Variants in ADAMTS9 observed in about 807,000 individuals in gnomAD.
ADAMTS9 encodes ADAM metallopeptidase with thrombospondin type 1 motif 9, also known as A disintegrin and metalloproteinase with thrombospondin motifs 9.
In ADAMTS9, 107 loss-of-function variants were observed where a neutral mutation model predicts 257.1. That is an observed-to-expected ratio of 0.42 (90% confidence interval 0.36 to 0.49). The LOEUF (loss-of-function observed/expected upper bound fraction) is 0.49, where lower values mean the gene tolerates loss of function less well. Among genes scored for constraint, ADAMTS9 ranks in the 20% least tolerant of loss-of-function variants. ADAMTS9 has a pLI of 0.03. For synonymous variants in ADAMTS9, 982 were observed against 880.9 expected (o/e 1.11, Z -2.03); for missense variants, 2,353 against 2,469.1 (o/e 0.95, Z 1.00).
At chr3:64,527,978 C>T (rs540301590) in intron 38 of ADAMTS9, among the ~76,000 whole-genome samples, 2 of 152,288 alleles carry the variant, frequency 1.3e-5, no homozygotes, top group East Asian at 3.9e-4. Context: ...GGAACTGAAT[C>T]CATCTCTTCT....
chr3:64,561,884 A>G (rs1053202803), intron 29 of ADAMTS9, 133 bp from the exon 30 acceptor site: 28 of 760,862 alleles, frequency 3.7e-5, no homozygotes, highest in Non-Finnish European at 5.6e-5. Flanking sequence ...ATCGCTTTCT[A>G]ATTTGCAATG....
At position 64,561,570 on chromosome 3, in the gene ADAMTS9, CTACT is replaced by C. The variant is rs780489993; in HGVS notation, c.4698+4_4698+7del. The C allele has an allele frequency of 6.2e-7, 1 of 1,610,790 alleles. No homozygotes were observed. The highest frequency in any genetic ancestry group is 2.2e-5 in the East Asian group (1 of 44,850). ...GCCTGGCAGGTACCCCTTTGTGGCT[CTACT>C]TACTTCTTGCCATTCCTCTGCCCTC... On this transcript the variant is annotated splice_donor_5th_base_variant and intron_variant, in intron 30 of 39. Transcript: ENST00000498707.
At chr3:64,644,735 A>C (rs548367005) in intron 11 of ADAMTS9, among the ~76,000 whole-genome samples, 1 of 152,090 alleles carries the variant, frequency 6.6e-6, no homozygotes, top group African/African-American at 2.4e-5. Context: ...CCCTCTTAAC[A>C]CTTCAGACTT....
intron 38 of ADAMTS9, among the ~76,000 whole-genome samples, chr3:64,525,400 C>T (rs2082898219): frequency 6.6e-6 from 1 of 152,106 alleles, no homozygotes; most frequent in African/African-American, 2.4e-5. Context: ...TGCATATTTT[C>T]CACTTCTGGA....
At chr3:64,678,555 G>A (rs191042462) in intron 3 of ADAMTS9, among the ~76,000 whole-genome samples, 4 of 152,294 alleles carry the variant, frequency 2.6e-5, no homozygotes, top group Admixed American at 1.3e-4. Flanking sequence ...GGCTCCCAGA[G>A]TACTTCTAAA....
At chr3:64,520,765 C>T (rs1385104486) in intron 39 of ADAMTS9, among the ~76,000 whole-genome samples, 1 of 152,084 alleles carries the variant, frequency 6.6e-6, no homozygotes, top group Non-Finnish European at 1.5e-5. Flanking sequence ...TGAAATTGAA[C>T]TCTTACCTCT....
At chr3:64,633,430 C>G in intron 14 of ADAMTS9, 42 bp downstream of exon 14, 5 of 1,608,392 alleles carry the variant, frequency 3.1e-6, no homozygotes, top group Non-Finnish European at 3.4e-6. Context: ...CACAGGTTGG[C>G]AGCGGGAAAA....
chr3:64,595,907 GTGGA>G (rs1301997575), intron 27 of ADAMTS9, among the ~76,000 whole-genome samples: 2 of 152,130 alleles, frequency 1.3e-5, no homozygotes, highest in Non-Finnish European at 2.9e-5. Flanking sequence ...TGCTCTCCCT[GTGGA>G]TTCAAGAATA....
intron 3 of ADAMTS9, among the ~76,000 whole-genome samples, chr3:64,676,231 C>G (rs973886265): frequency 6.6e-6 from 1 of 152,162 alleles, no homozygotes; most frequent in South Asian, 2.1e-4. Flanking sequence ...TTCTAAGGTC[C>G]TAAGATCCTA....
intron 29 of ADAMTS9, 74 bp downstream of exon 29, chr3:64,568,294 A>G (rs2083591003): frequency 6.6e-7 from 1 of 1,509,150 alleles, no homozygotes; most frequent in Non-Finnish European, 8.9e-7. Flanking sequence ...GCATAGAAAC[A>G]CAAGTGAACA....
intron 4 of ADAMTS9, 30 bp from the exon 5 acceptor site, chr3:64,655,905 A>C: frequency 7.0e-7 from 1 of 1,422,868 alleles, no homozygotes; most frequent in South Asian, 1.4e-5. Flanking sequence ...TTCAAAGTTA[A>C]TTGTGAACTC....
chr3:64,529,514 G>A (rs962004192), intron 38 of ADAMTS9, among the ~76,000 whole-genome samples: 1 of 152,188 alleles, frequency 6.6e-6, no homozygotes, highest in African/African-American at 2.4e-5. Context: ...TTGGAAAAGA[G>A]AGTATTATAA....
chr3:64,654,310 T>G, intron 8 of ADAMTS9, 43 bp downstream of exon 8: 3 of 1,570,816 alleles, frequency 1.9e-6, no homozygotes, highest in Non-Finnish European at 2.6e-6. Flanking sequence ...ATAAAAGGTT[T>G]AGGTCACTCC....
At chr3:64,684,302 C>T (rs186394724) in intron 2 of ADAMTS9, among the ~76,000 whole-genome samples, 1 of 151,064 alleles carries the variant, frequency 6.6e-6, no homozygotes, top group Non-Finnish European at 1.5e-5. Flanking sequence ...AAAAGTGAAG[C>T]GGGATAGATT....
intron 30 of ADAMTS9, among the ~76,000 whole-genome samples, chr3:64,556,961 C>T (rs754553408): frequency 2.6e-5 from 4 of 152,118 alleles, no homozygotes; most frequent in Admixed American, 6.5e-5. Flanking sequence ...AACAAGCTTC[C>T]TGACCTTAAA....
At position 64,633,883 on chromosome 3, in the gene ADAMTS9, A is replaced by G. The variant is rs948710661; in HGVS notation, c.1857-4T>C. 1.9e-6 allele frequency: 3 copies of G among 1,609,430 alleles called. No individual in the cohort carries two copies. The highest frequency in any genetic ancestry group is 1.1e-5 in the South Asian group (1 of 90,186). ...GTATTTTCCACCATTTTTTGGTCTGAAAAAGAAAAAATGTGAAGAGCACAC... is the reference window on the plus strand; with the variant it reads ...GTATTTTCCACCATTTTTTGGTCTGGAAAAGAAAAAATGTGAAGAGCACAC... On this transcript the variant is annotated splice_region_variant and splice_polypyrimidine_tract_variant and intron_variant, in intron 12 of 39. Coordinates refer to ENST00000498707, the MANE Select transcript of ADAMTS9 (RefSeq NM_182920.2).
intron 22 of ADAMTS9, 61 bp downstream of exon 22, chr3:64,613,284 A>G: frequency 6.4e-7 from 1 of 1,574,426 alleles, no homozygotes; most frequent in Non-Finnish European, 8.6e-7. Context: ...GCTCCTTTGC[A>G]AGTCCTCTCC....
At chr3:64,671,459 A>T (rs370863956) in intron 3 of ADAMTS9, among the ~76,000 whole-genome samples, 1 of 152,232 alleles carries the variant, frequency 6.6e-6, no homozygotes, top group East Asian at 1.9e-4. Context: ...TTATACATTA[A>T]TAGAAAAATG....
At position 64,658,652 on chromosome 3, in the gene ADAMTS9, C is replaced by T. The variant is rs373657194; in HGVS notation, c.819G>A (p.Thr273=). 1,955 of 1,613,834 alleles carry T rather than the reference C, an allele frequency of 1.2e-3. 37 individuals carry two copies. The South Asian group carries it at 0.02, about 16-fold the overall frequency. ...TEAFSAYGNK[T]DNTREKRTHR... Reference sequence around the variant, plus strand: ...GGGTCCTCTTTTCTCTTGTGTTGTCCGTCTTATTACCATAAGCAGAAAATG... The same window carrying T: ...GGGTCCTCTTTTCTCTTGTGTTGTCTGTCTTATTACCATAAGCAGAAAATG... The change falls in exon 4 of 40, where the codon ACG becomes ACA. Residue 273 remains threonine, a synonymous_variant. Transcript: ENST00000498707.
Sources: gnomAD v4.1 joint callset for allele counts (sites outside exome capture counted in the v4.1 genomes callset) on GRCh38, gnomAD v4.1.1 for gene constraint, MANE v1.5 for transcripts, NCBI Gene and HGNC (gene_info 2026-07-23, HGNC 2026-07-21) for gene names.